CROT: variants seen among roughly 807,000 people sequenced by gnomAD.
CROT encodes carnitine O-octanoyltransferase.
In CROT, 84 loss-of-function variants were observed where a neutral mutation model predicts 89.2. The ratio of observed to expected loss-of-function variants is 0.94; its 90% CI spans 0.79 to 1.13. CROT has a LOEUF of 1.13. Among genes scored for constraint, CROT ranks in the 50% most tolerant of loss-of-function variants. CROT has a pLI of 0.00. For missense variants in CROT, 711 were observed against 727.8 expected (o/e 0.98, Z 0.27); for synonymous variants, 212 against 239.5 (o/e 0.89, Z 1.06).
rs556138277 is a variant in CROT at position 87,389,795 on chromosome 7, C to G, written c.1302-1794C>G. 8.8e-5 allele frequency among the ~76,000 whole-genome samples: 13 copies of G among 146,994 alleles called. No homozygotes were observed. In the South Asian group the frequency reaches 2.0e-3, roughly 23 times the overall value. ...AATAAAAAAAATTCTGCAAAGCCTTCAAATAGATGTTTTTTAAATCCAGTT... is the reference window on the plus strand; with the variant it reads ...AATAAAAAAAATTCTGCAAAGCCTTGAAATAGATGTTTTTTAAATCCAGTT... On this transcript the variant is annotated intron_variant, in intron 13 of 17. Coordinates refer to ENST00000331536, the MANE Select transcript of CROT (RefSeq NM_021151.4).
At chr7:87,353,972 T>G (rs934766935) in intron 3 of CROT, among the ~76,000 whole-genome samples, 2 of 152,252 alleles carry the variant, frequency 1.3e-5, no homozygotes, top group Non-Finnish European at 2.9e-5. Context: ...AAAAAGATTC[T>G]ACAGTCTTGT....
In CROT at chr7:87,380,942, G is replaced by T. The variant is rs141438988; in HGVS notation, c.979-968G>T. Among the ~76,000 whole-genome samples, 68 of 152,346 alleles carry T rather than the reference G, an allele frequency of 4.5e-4. No individual in the cohort carries two copies. The East Asian group carries it at 6.0e-3, about 13-fold the overall frequency. On this transcript the variant is annotated intron_variant, in intron 10 of 17. Transcript: ENST00000331536. ...GTGTGCTGTTGTTGGCAGATAAACT[G>T]CTCAGGCATCTTATACTGACCTCCC... is the stretch of plus-strand genomic sequence containing the variant.
In CROT at chr7:87,382,493, T is replaced by C. The variant is rs201567521; in HGVS notation, c.1251T>C (p.Asp417=). ...KLTKNKMLHP[D]TFIQLALQLA... The stretch of plus-strand genomic sequence containing the variant: ...CCAAGAACAAGATGCTTCACCCGGA[T>C]ACGTTTATTCAGCTTGCACTTCAGC... Residue 417 remains aspartate (D), a synonymous_variant, in exon 13 of 18, where the codon GAT becomes GAC. Transcript: ENST00000331536. 49 of 1,613,964 alleles carry C rather than the reference T, an allele frequency of 3.0e-5. No homozygotes were observed. The East Asian group carries it at 1.0e-3, about 35-fold the overall frequency.
chr7:87,382,589 G>A lies in CROT; in HGVS notation c.1301+46G>A, dbSNP rs374007097. On this transcript the variant is annotated intron_variant, in intron 13 of 17. Coordinates refer to ENST00000331536, the MANE Select transcript of CROT (RefSeq NM_021151.4). ...ATTTTCACAGTCTTGAAGTCCAAGGGTATATCTTTTTTTATAGCTATTTCA... is the reference window on the plus strand; with the variant it reads ...ATTTTCACAGTCTTGAAGTCCAAGGATATATCTTTTTTTATAGCTATTTCA... 1.5e-5 allele frequency: 24 copies of A among 1,552,770 alleles called. No individual in the cohort carries two copies. The East Asian group carries it at 3.2e-4, about 21-fold the overall frequency.
Position 87,398,592 on chromosome 7 carries a change from C to T in CROT, c.1787C>T (p.Thr596Ile). 6.2e-7 allele frequency: 1 copy of T among 1,613,702 alleles called. No individual in the cohort carries two copies. Among genetic ancestry groups the T allele is most frequent in the Non-Finnish European group, 8.5e-7 (1 of 1,179,846 alleles). The change falls in exon 18 of 18, where the codon ACT becomes ATT. Residue 596 changes from threonine to isoleucine, a missense_variant. Physicochemically the swap from Thr to Ile is moderately conservative, Grantham distance 89. Coordinates refer to ENST00000331536, the MANE Select transcript of CROT (RefSeq NM_021151.4). ...GATGCGGAAAAGCTAGTTCAGCTGA[C>T]TTTTTGTGCTTTTCATGATATGATA... ...ETDAEKLVQL[T>I]FCAFHDMIQL...
intron 17 of CROT, among the ~76,000 whole-genome samples, chr7:87,393,735 A>G (rs1807440481): frequency 6.6e-6 from 1 of 152,210 alleles, no homozygotes; most frequent in African/African-American, 2.4e-5. Context: ...AGAAGAGGGC[A>G]GGCTTGGAGG....
intron 3 of CROT, among the ~76,000 whole-genome samples, chr7:87,355,232 T>C (rs1297294170): frequency 6.6e-6 from 1 of 152,000 alleles, no homozygotes; most frequent in Non-Finnish European, 1.5e-5. Flanking sequence ...CCCAAGTAGC[T>C]GGGATTATAG....
At chr7:87,360,378 T>C (rs111721939) in intron 4 of CROT, among the ~76,000 whole-genome samples, 2,117 of 152,342 alleles carry the variant, frequency 0.014, 49 homozygotes, top group African/African-American at 0.048. Flanking sequence ...TCTTGCTCTG[T>C]TGCCCAGGCT....
chr7:87,381,799 G>C, intron 10 of CROT, 111 bp from the exon 11 acceptor site: 1 of 647,278 alleles, frequency 1.5e-6, no homozygotes, highest in Non-Finnish European at 2.6e-6. Context: ...GGCATTTGAA[G>C]ACTCTATGCT....
chr7:87,390,655 A>T (rs1807330085), intron 13 of CROT, among the ~76,000 whole-genome samples: 1 of 152,186 alleles, frequency 6.6e-6, no homozygotes, highest in South Asian at 2.1e-4. Flanking sequence ...AGAGAGTTTT[A>T]TACCTAAAAT....
At chr7:87,386,660 G>C (rs1027452627) in intron 13 of CROT, among the ~76,000 whole-genome samples, 3 of 152,170 alleles carry the variant, frequency 2.0e-5, no homozygotes, top group African/African-American at 7.2e-5. Flanking sequence ...TGGAGTGTCT[G>C]CAACGAAAGG....
In CROT at chr7:87,392,759, C is replaced by T. The variant is rs371451136; in HGVS notation, c.1534C>T (p.Leu512Phe). The T allele has an allele frequency of 8.2e-5, 132 of 1,613,578 alleles. No individual in the cohort carries two copies. The highest frequency in any genetic ancestry group is 4.9e-4 in the Middle Eastern group (3 of 6,078). ...GFDRHLLGLL[L>F]IAKEEGLPVP... ...TGATCGTCACCTTTTAGGTCTCTTA[C>T]TCATAGCAAAAGAGGAAGGTCTTCC... Residue 512 changes from leucine to phenylalanine, a missense_variant, in exon 16 of 18, where the codon CTC (leucine) becomes TTC (phenylalanine). Transcript: ENST00000331536.
chr7:87,365,944 C>T (rs762426392), intron 6 of CROT, among the ~76,000 whole-genome samples: 1 of 151,992 alleles, frequency 6.6e-6, no homozygotes, highest in Non-Finnish European at 1.5e-5. Context: ...CCCTAGGAGA[C>T]CATTAAGACT....
chr7:87,369,654 A>G (rs1249210923), intron 7 of CROT, 170 bp downstream of exon 7: 4 of 300,592 alleles, frequency 1.3e-5, no homozygotes, highest in African/African-American at 6.6e-5. Context: ...TTATTTTTAA[A>G]TTTTACTAGA....
chr7:87,369,244 T>C (rs995042203), intron 6 of CROT, 132 bp from the exon 7 acceptor site: 2 of 536,616 alleles, frequency 3.7e-6, no homozygotes, highest in Non-Finnish European at 6.7e-6. Flanking sequence ...ATTTTTGTTA[T>C]GTGATATATT....
chr7:87,349,918 G>C (rs1037065931), intron 3 of CROT, among the ~76,000 whole-genome samples: 1 of 152,148 alleles, frequency 6.6e-6, no homozygotes, highest in Non-Finnish European at 1.5e-5. Context: ...ATAGTGTGCA[G>C]TGAGCCTCTT....
chr7:87,375,835 A>C lies in CROT; in HGVS notation c.758A>C (p.Glu253Ala), dbSNP rs1364854666. ...EERTRWAKAR[E>A]YLIGLDPENL... ...CATCTCCTTGCCCTTTAGGCACGAG[A>C]ATATCTGATTGGTCTTGATCCAGAG... Residue 253 changes from glutamate (E) to alanine (A), a missense_variant, in exon 9 of 18, where the codon GAA becomes GCA. Coordinates refer to ENST00000331536, the MANE Select transcript of CROT (RefSeq NM_021151.4). 6.2e-7 allele frequency: 1 copy of C among 1,613,502 alleles called. No homozygotes were observed. The highest frequency in any genetic ancestry group is 1.3e-5 in the African/African-American group (1 of 75,040).
At chr7:87,376,575 G>A (rs913471249) in intron 9 of CROT, among the ~76,000 whole-genome samples, 5 of 151,100 alleles carry the variant, frequency 3.3e-5, no homozygotes, top group Admixed American at 1.3e-4. Context: ...TGAATTAATC[G>A]GTATTAAATA....
intron 4 of CROT, 163 bp downstream of exon 4, chr7:87,359,493 G>GT: frequency 1.4e-5 from 19 of 1,379,888 alleles, no homozygotes; most frequent in Non-Finnish European, 1.8e-5. Flanking sequence ...GGAGTTTTCA[G>GT]TGGGTGGATT....
Sources: allele counts gnomAD v4.1 joint callset (sites outside exome capture counted in the v4.1 genomes callset), GRCh38; gene constraint gnomAD v4.1.1; transcripts MANE v1.5; gene names NCBI Gene and HGNC (gene_info 2026-07-23, HGNC 2026-07-21).